Variants in SYNGR1 observed in about 807,000 individuals in gnomAD.
SYNGR1 encodes synaptogyrin-1.
In SYNGR1, 14 loss-of-function variants were observed where a neutral mutation model predicts 26.1. The ratio of observed to expected loss-of-function variants is 0.54; its 90% CI spans 0.35 to 0.84. The LOEUF (loss-of-function observed/expected upper bound fraction) is 0.84, where lower values mean the gene tolerates loss of function less well. SYNGR1 is among the 40% of genes least tolerant of loss of function. SYNGR1 has a pLI of 0.01. For synonymous variants in SYNGR1, 141 were observed against 150.1 expected, an observed-to-expected ratio of 0.94 and a Z score of 0.44; for missense variants, 319 against 332.9, an observed-to-expected ratio of 0.96 and a Z score of 0.33.
intron 1 of SYNGR1, among the ~76,000 whole-genome samples, chr22:39,373,672 G>A (rs1030826227): frequency 1.6e-4 from 25 of 151,600 alleles, no homozygotes; most frequent in African/African-American, 5.1e-4. Flanking sequence ...TAGTAGGGGC[G>A]GGGTTTTGCC....
chr22:39,353,282 C>T (rs1434915830), intron 1 of SYNGR1, among the ~76,000 whole-genome samples: 1 of 152,168 alleles, frequency 6.6e-6, no homozygotes, highest in African/African-American at 2.4e-5. Context: ...CACCCTGGAA[C>T]CCAAGCCCTC....
At chr22:39,372,438 CTTTTTTTTTTTTT>C (rs767314185) in intron 1 of SYNGR1, among the ~76,000 whole-genome samples, 20 of 54,648 alleles carry the variant, frequency 3.7e-4, no homozygotes, top group African/African-American at 6.6e-4. Flanking sequence ...ACGCCCAGCT[CTTTTTTTTTTTTT>C]TTTTTTTTTT....
intron 1 of SYNGR1, 125 bp from the exon 2 acceptor site, chr22:39,374,191 G>A (rs1421989639): frequency 1.2e-6 from 1 of 845,134 alleles, no homozygotes; most frequent in African/African-American, 1.7e-5. Flanking sequence ...TGAAATGCCT[G>A]CTTAACCCGG....
intron 3 of SYNGR1, chr22:39,377,720 C>T (rs1925352207): frequency 1.9e-6 from 3 of 1,609,116 alleles, no homozygotes; most frequent in African/African-American, 1.3e-5. Context: ...GCCGGCAGCC[C>T]TGTATCACCC....
At chr22:39,379,033 G>C (rs1245866842) in intron 3 of SYNGR1, among the ~76,000 whole-genome samples, 1 of 152,180 alleles carries the variant, frequency 6.6e-6, no homozygotes, top group Non-Finnish European at 1.5e-5. Flanking sequence ...GGGAGCTCGG[G>C]GAGAACCGCG....
At chr22:39,358,717 G>GT (rs1569175349) in intron 1 of SYNGR1, among the ~76,000 whole-genome samples, 1 of 152,148 alleles carries the variant, frequency 6.6e-6, no homozygotes, top group South Asian at 2.1e-4. Flanking sequence ...CTTAAGAGCT[G>GT]TAACACTCAC....
intron 1 of SYNGR1, among the ~76,000 whole-genome samples, chr22:39,362,426 G>C (rs981770978): frequency 6.6e-5 from 10 of 152,226 alleles, no homozygotes; most frequent in African/African-American, 2.4e-4. Context: ...CGGGGTGGGG[G>C]AGGGGCCTGG....
chr22:39,374,380 G>A lies in SYNGR1; in HGVS notation c.164G>A (p.Gly55Glu). ...NEGYLNSASE[G>E]EEFCIYNRNP... Reference sequence around the variant, plus strand: ...GGCTACCTCAACAGCGCCTCCGAGGGGGAGGAGTTCTGCATCTACAACCGC... The same window carrying A: ...GGCTACCTCAACAGCGCCTCCGAGGAGGAGGAGTTCTGCATCTACAACCGC... Residue 55 changes from glycine (G) to glutamate (E), a missense_variant, in exon 2 of 4, where the codon GGG (glycine) becomes GAG (glutamate). Coordinates refer to ENST00000328933, the MANE Select transcript of SYNGR1 (RefSeq NM_004711.5). 1.2e-6 allele frequency: 2 copies of A among 1,614,096 alleles called. No homozygotes were observed. Among genetic ancestry groups the A allele is most frequent in the Non-Finnish European group, 8.5e-7 (1 of 1,180,030 alleles).
At chr22:39,371,203 G>A (rs552021559) in intron 1 of SYNGR1, among the ~76,000 whole-genome samples, 7 of 152,178 alleles carry the variant, frequency 4.6e-5, no homozygotes, top group South Asian at 2.1e-4. Context: ...GAGGCCGGGC[G>A]TGGTGGCTGA....
At chr22:39,351,572 C>T (rs1346592826) in intron 1 of SYNGR1, among the ~76,000 whole-genome samples, 3 of 152,260 alleles carry the variant, frequency 2.0e-5, no homozygotes, top group South Asian at 2.1e-4. Flanking sequence ...GGGCACCTGC[C>T]GGATCAGGCG....
chr22:39,368,100 C>T (rs1235472483), intron 1 of SYNGR1, among the ~76,000 whole-genome samples: 6 of 152,242 alleles, frequency 3.9e-5, no homozygotes, highest in African/African-American at 1.2e-4. Flanking sequence ...TCCCTCCTGG[C>T]GTTTGCCAGG....
chr22:39,350,098 G>T lies in SYNGR1; in HGVS notation c.88G>T (p.Val30Phe). 2.7e-6 allele frequency: 4 copies of T among 1,468,352 alleles called. No homozygotes were observed. The highest frequency in any genetic ancestry group is 3.6e-6 in the Non-Finnish European group (4 of 1,097,872). The allele number at this position is 1,468,352 out of a possible 1,614,324, so 91.0% of individuals were successfully genotyped here. A position where few individuals can be genotyped will look rare whatever the true frequency, so the allele number is the denominator to read the frequency against. ...LVRQPHTILR[V>F]VSWLFSIVVF... The stretch of plus-strand genomic sequence containing the variant: ...CCGGCAGCCGCACACCATCCTGCGC[G>T]TCGTGTCTTGGGTAAGGACGGACTG... Residue 30 changes from valine to phenylalanine, a missense_variant, in exon 1 of 4, where the codon GTC becomes TTC. Physicochemically the swap from Val to Phe is conservative, Grantham distance 50 (BLOSUM62 -1). Coordinates refer to ENST00000328933, the MANE Select transcript of SYNGR1 (RefSeq NM_004711.5). This position sits in a 1 kb window ranked among gnomAD's most constrained non-coding sequence, Gnocchi z 4.3.
chr22:39,364,409 A>AT lies in SYNGR1; in HGVS notation c.100-9902dup, dbSNP rs938278293. On this transcript the variant is annotated intron_variant, in intron 1 of 3. Coordinates refer to ENST00000328933, the MANE Select transcript of SYNGR1 (RefSeq NM_004711.5). The stretch of plus-strand genomic sequence containing the variant: ...ACTGCTTTGTGGGGATGATTTGCAG[A>AT]TTTTTATGGGGATTAAAATAGATGA... The AT allele has an allele frequency of 5.2e-6, 8 of 1,544,022 alleles. No individual in the cohort carries two copies. The African/African-American group carries it at 1.1e-4, about 21-fold the overall frequency.
intron 3 of SYNGR1, chr22:39,380,165 A>AG (rs1295281090): frequency 1.5e-5 from 2 of 137,466 alleles, no homozygotes; most frequent in African/African-American, 7.0e-5. Flanking sequence ...AGATCTGTGA[A>AG]AAAAAAAAAA....
chr22:39,377,448 CG>C (rs1326320893), intron 3 of SYNGR1: 129 of 1,510,286 alleles, frequency 8.5e-5, no homozygotes, highest in Non-Finnish European at 1.1e-4. Context: ...AGTTTAGGGG[CG>C]GGGCTCACAG....
In SYNGR1 at chr22:39,382,146, A is replaced by G. The variant is rs1429749756; in HGVS notation, c.*232A>G. On this transcript the variant is annotated 3_prime_UTR_variant, in exon 4 of 4. Coordinates refer to ENST00000328933, the MANE Select transcript of SYNGR1 (RefSeq NM_004711.5). Reference sequence around the variant, plus strand: ...CGCAGGGGCCTAGAGGGTGGGGGCCAGGGGTATTTGCATTCATACATTGTG... The same window carrying G: ...CGCAGGGGCCTAGAGGGTGGGGGCCGGGGGTATTTGCATTCATACATTGTG... The G allele has an allele frequency of 5.0e-6, 3 of 601,658 alleles. No homozygotes were observed. Among genetic ancestry groups the G allele is most frequent in the Non-Finnish European group, 8.9e-6 (3 of 338,278 alleles). The allele number at this position is 601,658 out of a possible 1,614,324, so 37.3% of individuals were successfully genotyped here.
chr22:39,377,392 C>T lies in SYNGR1; in HGVS notation c.483+1195C>T, dbSNP rs976334665. On this transcript the variant is annotated intron_variant, in intron 3 of 3. Transcript: ENST00000328933. The stretch of plus-strand genomic sequence containing the variant: ...CAGGTGACCCCAGGGGATCTCAGTC[C>T]AGAGAAGGTGCCCCAGAAGTGGGGA... The T allele has an allele frequency of 4.1e-6, 4 of 985,280 alleles. No homozygotes were observed. In the Admixed American group the frequency reaches 1.8e-4, roughly 45 times the overall value. The allele number at this position is 985,280 out of a possible 1,614,324, so 61.0% of individuals were successfully genotyped here. A position where few individuals can be genotyped will look rare whatever the true frequency, so the allele number is the denominator to read the frequency against.
At chr22:39,367,393 C>T (rs866856576) in intron 1 of SYNGR1, among the ~76,000 whole-genome samples, 1 of 152,130 alleles carries the variant, frequency 6.6e-6, no homozygotes. Flanking sequence ...GTCAGTCTTC[C>T]AGGGAGGAAA....
chr22:39,370,623 C>T (rs1924973506), intron 1 of SYNGR1, among the ~76,000 whole-genome samples: 1 of 149,686 alleles, frequency 6.7e-6, no homozygotes, highest in South Asian at 2.1e-4. Flanking sequence ...AGGTCTCTAA[C>T]CATTTTTTTT....
Sources: gnomAD v4.1 joint callset for allele counts (sites outside exome capture counted in the v4.1 genomes callset) on GRCh38, gnomAD v4.1.1 for gene constraint, Gnocchi (gnomAD v3.1) non-coding constraint, MANE v1.5 for transcripts, NCBI Gene and HGNC (gene_info 2026-07-23, HGNC 2026-07-21) for gene names.